Variants in BABAM2 observed in about 807,000 individuals in gnomAD.
The protein encoded by BABAM2 is BRISC and BRCA1 A complex member 2.
In BABAM2, 31 loss-of-function variants were observed where a neutral mutation model predicts 54.7. The observed-to-expected ratio is 0.57, with a 90% CI of 0.43 to 0.77. The LOEUF is 0.77. Among genes scored for constraint, BABAM2 ranks in the 30% least tolerant of loss-of-function variants. The pLI, the probability that BABAM2 is intolerant of heterozygous loss-of-function variation, is 0.00. For synonymous variants in BABAM2, 167 were observed against 162.9 expected (o/e 1.03, Z -0.19); for missense variants, 364 against 455.8 (o/e 0.80, Z 1.83).
chr2:27,927,144 G>T (rs925102927), intron 2 of BABAM2, among the ~76,000 whole-genome samples: 1 of 152,184 alleles, frequency 6.6e-6, no homozygotes, highest in East Asian at 1.9e-4. Flanking sequence ...GATGTAGTAA[G>T]GGAGGAAGGT....
chr2:27,985,928 G>A (rs1197971485), intron 3 of BABAM2, among the ~76,000 whole-genome samples: 2 of 152,138 alleles, frequency 1.3e-5, no homozygotes, highest in Non-Finnish European at 2.9e-5. Flanking sequence ...TAATTAGTCA[G>A]GATTTTAATT....
At chr2:28,286,429 T>G (rs1351946618) in intron 10 of BABAM2, among the ~76,000 whole-genome samples, 1 of 152,170 alleles carries the variant, frequency 6.6e-6, no homozygotes, top group Non-Finnish European at 1.5e-5. Flanking sequence ...TCACTATGTG[T>G]TCAGAGCACT....
intron 11 of BABAM2, 86 bp downstream of exon 11, chr2:28,298,577 G>A: frequency 6.7e-7 from 1 of 1,487,752 alleles, no homozygotes; most frequent in Non-Finnish European, 9.2e-7. Context: ...TTGCAGGTTA[G>A]TTCCTGCCCT....
intron 10 of BABAM2, among the ~76,000 whole-genome samples, chr2:28,265,656 G>A (rs1009506953): frequency 6.6e-6 from 1 of 151,852 alleles, no homozygotes; most frequent in African/African-American, 2.4e-5. Context: ...ACACACACAC[G>A]ACACACGTAC....
chr2:28,209,445 G>A (rs1475611963), intron 7 of BABAM2, among the ~76,000 whole-genome samples: 2 of 151,838 alleles, frequency 1.3e-5, no homozygotes, highest in Admixed American at 6.6e-5. Flanking sequence ...GATTCCCTGT[G>A]GAAGGTGTGG....
At chr2:28,279,795 A>G (rs976875772) in intron 10 of BABAM2, among the ~76,000 whole-genome samples, 3 of 150,674 alleles carry the variant, frequency 2.0e-5, no homozygotes, top group Non-Finnish European at 4.4e-5. Flanking sequence ...CCTCCCGAGT[A>G]GCTGGGATTT....
chr2:27,932,794 C>T (rs992628089), intron 3 of BABAM2, among the ~76,000 whole-genome samples: 7 of 152,162 alleles, frequency 4.6e-5, no homozygotes, highest in African/African-American at 1.2e-4. Context: ...CAGATGGCTT[C>T]CTCCTCATCA....
chr2:28,302,364 C>T (rs1688175931), intron 11 of BABAM2, among the ~76,000 whole-genome samples: 1 of 151,164 alleles, frequency 6.6e-6, no homozygotes, highest in African/African-American at 2.4e-5. Context: ...TTGCAGTGAG[C>T]CAAGATCACA....
intron 7 of BABAM2, among the ~76,000 whole-genome samples, chr2:28,158,956 A>G (rs1244112074): frequency 2.6e-5 from 4 of 152,176 alleles, no homozygotes; most frequent in Non-Finnish European, 5.9e-5. Flanking sequence ...GCTTTAATGC[A>G]TGTCTGGAAA....
chr2:27,940,298 A>C (rs1668778447), intron 3 of BABAM2, among the ~76,000 whole-genome samples: 1 of 152,224 alleles, frequency 6.6e-6, no homozygotes, highest in African/African-American at 2.4e-5. Flanking sequence ...CATCCTAGTC[A>C]TACTCTGTAG....
intron 5 of BABAM2, among the ~76,000 whole-genome samples, chr2:28,041,503 T>C (rs948343626): frequency 3.3e-5 from 5 of 152,352 alleles, no homozygotes; most frequent in African/African-American, 1.2e-4. Context: ...TATTCACTAA[T>C]TTTATGAATG....
At chr2:27,997,310 T>C (rs1673230363) in intron 4 of BABAM2, among the ~76,000 whole-genome samples, 1 of 152,188 alleles carries the variant, frequency 6.6e-6, no homozygotes, top group Non-Finnish European at 1.5e-5. Flanking sequence ...CAAGAGAATA[T>C]GAGAAAATTA....
intron 10 of BABAM2, among the ~76,000 whole-genome samples, chr2:28,275,019 T>G (rs1000390996): frequency 3.9e-5 from 6 of 152,166 alleles, no homozygotes; most frequent in Admixed American, 3.9e-4. Flanking sequence ...GCTGACCTAC[T>G]TGGTGCAAGT....
At chr2:28,231,054 T>G (rs1681339572) in intron 7 of BABAM2, among the ~76,000 whole-genome samples, 1 of 152,228 alleles carries the variant, frequency 6.6e-6, no homozygotes, top group African/African-American at 2.4e-5. Flanking sequence ...AGACCTGGGT[T>G]TAAGCCCACC....
At chr2:28,159,229 G>A (rs1672825465) in intron 7 of BABAM2, among the ~76,000 whole-genome samples, 1 of 152,166 alleles carries the variant, frequency 6.6e-6, no homozygotes, top group Non-Finnish European at 1.5e-5. Context: ...AGGATGGGAG[G>A]TTATGGAATA....
intron 6 of BABAM2, among the ~76,000 whole-genome samples, chr2:28,060,925 C>G (rs1287221966): frequency 6.6e-6 from 1 of 152,116 alleles, no homozygotes; most frequent in Non-Finnish European, 1.5e-5. Context: ...AGATCTGGCA[C>G]AATTCTAGCA....
rs902542959 is a variant in BABAM2, at chr2:28,314,761, C to T, written c.1088+16270C>T. On this transcript the variant is annotated intron_variant, in intron 11 of 11. Coordinates refer to ENST00000379624, the MANE Select transcript of BABAM2 (RefSeq NM_199191.3). ...CGTGCAGGGAAAGAGCACTAGGAGT[C>T]GAGGAAAGAAGATTATGTCTGTTTA... Among the ~76,000 whole-genome samples the T allele has an allele frequency of 2.8e-4, 42 of 151,210 alleles. 1 individual carries two copies. The highest frequency in any genetic ancestry group is 9.7e-4 in the African/African-American group (40 of 41,048).
intron 7 of BABAM2, among the ~76,000 whole-genome samples, chr2:28,226,572 T>C (rs531067303): frequency 6.6e-6 from 1 of 152,254 alleles, no homozygotes; most frequent in African/African-American, 2.4e-5. Context: ...GTGTAGAATG[T>C]CTTATGCCAC....
Position 28,237,313 on chromosome 2 carries a change from TC to T in BABAM2, c.780+16del, listed in dbSNP as rs1682003530. On this transcript the variant is annotated intron_variant, in intron 8 of 11. Transcript: ENST00000379624. ...TGCTCACCAACAAGGTAAAAGCAAG[TC>T]CCCAACTCATCCCTCTTATGAGATT... The T allele has an allele frequency of 6.3e-7, 1 of 1,598,336 alleles. No individual in the cohort carries two copies.
Sources: gnomAD v4.1 joint callset for allele counts (sites outside exome capture counted in the v4.1 genomes callset) on GRCh38, gnomAD v4.1.1 for gene constraint, MANE v1.5 for transcripts, NCBI Gene and HGNC (gene_info 2026-07-23, HGNC 2026-07-21) for gene names.